Variants in SPECC1 observed in about 807,000 individuals in gnomAD.
SPECC1 encodes cytospin-B.
SPECC1 carries 62 observed loss-of-function variants against 104.1 expected under a neutral mutation model. The observed-to-expected ratio is 0.60, with a 90% CI of 0.49 to 0.74. The LOEUF is 0.74. SPECC1 is among the 30% of genes least tolerant of loss of function. The pLI is 0.00. For missense variants in SPECC1, 1,306 were observed against 1,310.5 expected (o/e 1.00, Z 0.05); for synonymous variants, 513 against 501.6 (o/e 1.02, Z -0.30).
chr17:20,044,935 G>A (rs1036891877), intron 1 of SPECC1, among the ~76,000 whole-genome samples: 1 of 152,230 alleles, frequency 6.6e-6, no homozygotes, highest in African/African-American at 2.4e-5. Context: ...CATGTGTGCT[G>A]TGTGTGTTTA....
At chr17:20,159,958 A>T (rs1254765940) in intron 3 of SPECC1, among the ~76,000 whole-genome samples, 2 of 152,136 alleles carry the variant, frequency 1.3e-5, no homozygotes, top group Non-Finnish European at 2.9e-5. Context: ...GCCGTTTTGC[A>T]ATTTTGCCTT....
At chr17:20,238,390 C>G (rs72830194) in intron 7 of SPECC1, 1 of 1,041,400 alleles carries the variant, frequency 9.6e-7, no homozygotes, top group African/African-American at 1.7e-5. Context: ...TCAGCAACCT[C>G]CATCAGGCAG....
chr17:20,262,621 A>G (rs1398510312), intron 12 of SPECC1, among the ~76,000 whole-genome samples: 2 of 152,158 alleles, frequency 1.3e-5, no homozygotes, highest in Non-Finnish European at 2.9e-5. Flanking sequence ...ATTCTTAACA[A>G]TATTTTGCTA....
chr17:20,201,320 G>A (rs564097832), intron 3 of SPECC1, among the ~76,000 whole-genome samples: 15 of 151,316 alleles, frequency 9.9e-5, no homozygotes, highest in South Asian at 6.3e-4. Flanking sequence ...ACAAAAAAAC[G>A]AAATACAGTA....
chr17:20,307,275 A>T (rs1295823698), intron 14 of SPECC1, among the ~76,000 whole-genome samples: 1 of 152,206 alleles, frequency 6.6e-6, no homozygotes, highest in African/African-American at 2.4e-5. Flanking sequence ...TCTTAACAAT[A>T]GTAGTTTTAG....
chr17:20,282,785 T>C (rs1181368893), intron 12 of SPECC1, among the ~76,000 whole-genome samples: 1 of 152,088 alleles, frequency 6.6e-6, no homozygotes, highest in Admixed American at 6.5e-5. Context: ...CTTGAACGGG[T>C]TGAGGAGGTC....
intron 3 of SPECC1, among the ~76,000 whole-genome samples, chr17:20,174,620 T>C (rs1158236436): frequency 1.3e-5 from 2 of 152,072 alleles, no homozygotes; most frequent in Non-Finnish European, 2.9e-5. Context: ...CCCCCATCAG[T>C]CTTGGAGGGG....
At chr17:20,130,957 T>C (rs9897161) in intron 3 of SPECC1, among the ~76,000 whole-genome samples, 18,325 of 152,208 alleles carry the variant, frequency 0.12, 1,101 homozygotes, top group Non-Finnish European at 0.13. Context: ...GATTTACACC[T>C]AAGTATTTAT....
intron 9 of SPECC1, among the ~76,000 whole-genome samples, chr17:20,247,543 C>G (rs997753658): frequency 6.6e-6 from 1 of 152,142 alleles, no homozygotes; most frequent in African/African-American, 2.4e-5. Flanking sequence ...GCTGTTTTAT[C>G]TCTTGTCTGT....
At chr17:20,183,693 T>C (rs918998314) in intron 3 of SPECC1, among the ~76,000 whole-genome samples, 6 of 152,206 alleles carry the variant, frequency 3.9e-5, no homozygotes, top group African/African-American at 1.4e-4. Context: ...GTAAATGCCG[T>C]GTCATTTGTT....
At chr17:20,048,694 C>CT (rs1038498309) in intron 1 of SPECC1, among the ~76,000 whole-genome samples, 164 of 152,068 alleles carry the variant, frequency 1.1e-3, no homozygotes, top group African/African-American at 3.9e-3. Flanking sequence ...TTGCTTGAGC[C>CT]TAGGAGTTTG....
intron 1 of SPECC1, among the ~76,000 whole-genome samples, chr17:20,040,000 T>G (rs1597601338): frequency 6.6e-6 from 1 of 152,146 alleles, no homozygotes; most frequent in Admixed American, 6.6e-5. Context: ...TTTAAAAAAT[T>G]TAGTTTGTCC....
At chr17:20,247,129 C>A in intron 8 of SPECC1, 90 bp from the exon 9 acceptor site, 1 of 996,388 alleles carries the variant, frequency 1.0e-6, no homozygotes, top group Admixed American at 2.3e-5. Context: ...CTCCTTAAGC[C>A]ACCAAAAAAA....
intron 1 of SPECC1, among the ~76,000 whole-genome samples, chr17:20,032,726 T>C (rs1437789378): frequency 3.3e-5 from 5 of 152,078 alleles, no homozygotes; most frequent in Non-Finnish European, 7.3e-5. Context: ...TGGACATATT[T>C]ATAATGGTTA....
chr17:20,104,606 G>A (rs1251828698), intron 2 of SPECC1, among the ~76,000 whole-genome samples: 1 of 151,804 alleles, frequency 6.6e-6, no homozygotes, highest in Non-Finnish European at 1.5e-5. Flanking sequence ...AGCTGGGTGT[G>A]GGGGCACGTG....
intron 3 of SPECC1, among the ~76,000 whole-genome samples, chr17:20,168,657 G>C (rs2033850311): frequency 1.3e-5 from 2 of 152,232 alleles, no homozygotes; most frequent in Admixed American, 6.5e-5. Flanking sequence ...GTAGATACTA[G>C]AATTCTCTTG....
At chr17:20,306,429 C>G (rs937629373) in intron 14 of SPECC1, among the ~76,000 whole-genome samples, 3 of 152,050 alleles carry the variant, frequency 2.0e-5, no homozygotes, top group African/African-American at 7.3e-5. Context: ...GGGAAATACC[C>G]AGATGCCAGA....
At chr17:20,240,509 A>C (rs1238768439) in intron 7 of SPECC1, among the ~76,000 whole-genome samples, 2 of 152,126 alleles carry the variant, frequency 1.3e-5, no homozygotes, top group African/African-American at 4.8e-5. Context: ...GTATTATACA[A>C]ATGTGCTATT....
At chr17:20,256,898 T>G (rs1311553475) in intron 10 of SPECC1, among the ~76,000 whole-genome samples, 1 of 152,190 alleles carries the variant, frequency 6.6e-6, no homozygotes, top group African/African-American at 2.4e-5. Context: ...GTTCATTTCA[T>G]TACCTGTTTT....
Sources: allele counts gnomAD v4.1 joint callset (sites outside exome capture counted in the v4.1 genomes callset), GRCh38; gene constraint gnomAD v4.1.1; transcripts MANE v1.5; gene names NCBI Gene and HGNC (gene_info 2026-07-23, HGNC 2026-07-21).